The following UCKL1 variants were observed in gnomAD, a reference collection of about 807,000 sequenced individuals.
UCKL1 encodes uridine-cytidine kinase-like 1.
Under a neutral mutation model 59.2 loss-of-function variants are expected in UCKL1, and 65 were observed. The observed-to-expected ratio is 1.10, with a 90% CI of 0.90 to 1.35. The LOEUF (loss-of-function observed/expected upper bound fraction) is 1.35. Among genes scored for constraint, UCKL1 ranks in the 40% most tolerant of loss-of-function variants. The pLI, the probability that UCKL1 is intolerant of heterozygous loss-of-function variation, is 0.00. For synonymous variants in UCKL1, 410 were observed against 323.1 expected (o/e 1.27, Z -2.88); for missense variants, 703 against 784.3 (o/e 0.90, Z 1.24).
Position 63,945,622 on chromosome 20 carries a change from C to T in UCKL1, c.654+29G>A, listed in dbSNP as rs373147644. 6.2e-4 allele frequency: 997 copies of T among 1,610,222 alleles called. 4 individuals carry two copies. Among genetic ancestry groups the T allele is most frequent in the Middle Eastern group, 2.8e-3 (17 of 6,056 alleles). ...AGGGCGGCCAGGGCTGAGATACCAGCGGGGTGGGTATTCCCGGCGGGTGCT... is the reference window on the plus strand; with the variant it reads ...AGGGCGGCCAGGGCTGAGATACCAGTGGGGTGGGTATTCCCGGCGGGTGCT... On this transcript the variant is annotated intron_variant, in intron 5 of 14. Coordinates refer to ENST00000354216, the MANE Select transcript of UCKL1 (RefSeq NM_017859.4).
chr20:63,948,631 G>GCAGGGGCGTGTGT (rs2056988035), intron 1 of UCKL1, among the ~76,000 whole-genome samples: 1 of 15,174 alleles, frequency 6.6e-5, no homozygotes, highest in African/African-American at 2.4e-4. Flanking sequence ...TGTGTGAGAG[G>GCAGGGGCGTGTGT]GAAGGGGCGT....
At chr20:63,943,600 C>T (rs2055290698) in intron 8 of UCKL1, 53 bp downstream of exon 8, 1 of 1,612,014 alleles carries the variant, frequency 6.2e-7, no homozygotes. Context: ...CCCAGAGCTC[C>T]TTGGAGGTGT....
At chr20:63,946,102 G>A in intron 3 of UCKL1, 59 bp downstream of exon 3, 1 of 1,605,366 alleles carries the variant, frequency 6.2e-7, no homozygotes, top group Non-Finnish European at 8.5e-7. Flanking sequence ...ACTTTTGCAG[G>A]GGGTCCAGGG....
intron 1 of UCKL1, among the ~76,000 whole-genome samples, chr20:63,946,915 T>C (rs954370264): frequency 6.6e-6 from 1 of 151,310 alleles, no homozygotes; most frequent in Non-Finnish European, 1.5e-5. Flanking sequence ...CCGTCTCTAC[T>C]AAAAATTAAA....
intron 1 of UCKL1, among the ~76,000 whole-genome samples, chr20:63,949,277 ACCAGGCGAGGGCGG>A (rs1364153543): frequency 6.6e-6 from 1 of 152,062 alleles, no homozygotes. Context: ...CGCCAAGACG[ACCAGGCGAGGGCGG>A]CCCGGGGGAC....
intron 1 of UCKL1, among the ~76,000 whole-genome samples, chr20:63,947,227 G>A (rs2056482991): frequency 1.3e-5 from 2 of 152,248 alleles, no homozygotes; most frequent in Non-Finnish European, 2.9e-5. Flanking sequence ...AGGAGGAGAG[G>A]CGCTATCTTG....
intron 5 of UCKL1, 128 bp downstream of exon 5, chr20:63,945,523 A>G (rs2055931249): frequency 1.1e-6 from 1 of 917,988 alleles, no homozygotes; most frequent in Admixed American, 2.6e-5. Flanking sequence ...GGGTTGGGGT[A>G]GGGAGTGGCT....
intron 7 of UCKL1, 51 bp downstream of exon 7, chr20:63,944,346 G>T (rs1265239559): frequency 2.0e-6 from 3 of 1,511,286 alleles, no homozygotes; most frequent in Non-Finnish European, 2.7e-6. Flanking sequence ...CAGCGGAGAA[G>T]TGGGTAGAGG....
intron 1 of UCKL1, among the ~76,000 whole-genome samples, chr20:63,951,333 G>A (rs956641803): frequency 1.2e-4 from 19 of 152,220 alleles, no homozygotes; most frequent in African/African-American, 4.6e-4. Context: ...GCAGGCCTGC[G>A]GAGGACCACT....
At position 63,945,912 on chromosome 20, in the gene UCKL1, C is replaced by T. The variant is rs143094381; in HGVS notation, c.475G>A (p.Ala159Thr). 1 of 1,613,786 alleles carries T rather than the reference C, an allele frequency of 6.2e-7. No homozygotes were observed. Among genetic ancestry groups the T allele is most frequent in the African/African-American group, 1.3e-5 (1 of 74,928 alleles). Residue 159 changes from alanine to threonine, a missense_variant, in exon 4 of 15, where the codon GCC (alanine) becomes ACC (threonine). By Grantham distance (58) the Ala-to-Thr change is moderately conservative. Coordinates refer to ENST00000354216, the MANE Select transcript of UCKL1 (RefSeq NM_017859.4). ...GAAATGATGAGGTCGAAGTCAAAGG[C>T]ATCTGGGTGGTCGAAGTTGAAGTTG... ...HNNFNFDHPDAFDFDLIISTL... is the reference protein window; with the variant it reads ...HNNFNFDHPDTFDFDLIISTL...
At chr20:63,948,713 G>A (rs1437888740) in intron 1 of UCKL1, among the ~76,000 whole-genome samples, 1 of 148,692 alleles carries the variant, frequency 6.7e-6, no homozygotes, top group Admixed American at 6.7e-5. Flanking sequence ...AAGGGAGGGG[G>A]TGTGTGTGAG....
chr20:63,955,577 C>G (rs1179193406), intron 1 of UCKL1: 1 of 152,226 alleles, frequency 6.6e-6, no homozygotes, highest in East Asian at 1.9e-4. Flanking sequence ...CGCGGGCTCC[C>G]CAAGGGACAC....
chr20:63,945,512 G>A lies in UCKL1; in HGVS notation c.654+139C>T, dbSNP rs1018146512. 1.2e-5 allele frequency: 10 copies of A among 832,314 alleles called. No homozygotes were observed. The African/African-American group carries it at 1.7e-4, about 14-fold the overall frequency. The allele number at this position is 832,314 out of a possible 1,614,324, so 51.6% of individuals were successfully genotyped here. On this transcript the variant is annotated intron_variant, in intron 5 of 14. Transcript: ENST00000354216. ...ACCCAGCTGTGGCATGCCTGGGGTTGGGGTTGGGGTAGGGAGTGGCTGGCC... is the reference window on the plus strand; with the variant it reads ...ACCCAGCTGTGGCATGCCTGGGGTTAGGGTTGGGGTAGGGAGTGGCTGGCC...
intron 1 of UCKL1, chr20:63,951,104 G>A: frequency 8.6e-7 from 1 of 1,166,448 alleles, no homozygotes; most frequent in Non-Finnish European, 1.1e-6. Flanking sequence ...CAGCTAGGAG[G>A]CCCTTGAAGC....
chr20:63,941,707 G>A (rs1470583395), intron 8 of UCKL1: 2 of 219,144 alleles, frequency 9.1e-6, no homozygotes, highest in Non-Finnish European at 1.0e-5. Context: ...GTGTCTCTTG[G>A]CTGTCCCGTC....
At chr20:63,944,523 A>G in intron 6 of UCKL1, 22 bp downstream of exon 6, 1 of 1,600,014 alleles carries the variant, frequency 6.2e-7, no homozygotes, top group Non-Finnish European at 8.5e-7. Context: ...CACCCACCCA[A>G]CAGGCAGCCC....
At chr20:63,943,446 C>T (rs531496158) in intron 8 of UCKL1, among the ~76,000 whole-genome samples, 4 of 152,216 alleles carry the variant, frequency 2.6e-5, no homozygotes, top group Non-Finnish European at 4.4e-5. Flanking sequence ...GACTCCGTGA[C>T]GCTGGGCAAG....
intron 8 of UCKL1, 99 bp from the exon 9 acceptor site, chr20:63,941,307 G>A (rs2054324181): frequency 2.1e-6 from 3 of 1,447,090 alleles, no homozygotes; most frequent in East Asian, 2.6e-5. Flanking sequence ...GGGAACACAC[G>A]GGCCAGGCAC....
chr20:63,951,021 G>T, intron 1 of UCKL1: 2 of 1,257,050 alleles, frequency 1.6e-6, no homozygotes, highest in Non-Finnish European at 2.0e-6. Context: ...AGCACAGTGG[G>T]TGCAGAGCCG....
Sources: allele counts gnomAD v4.1 joint callset (sites outside exome capture counted in the v4.1 genomes callset), GRCh38; gene constraint gnomAD v4.1.1; transcripts MANE v1.5; gene names NCBI Gene and HGNC (gene_info 2026-07-23, HGNC 2026-07-21).